The following COL14A1 variants were observed in gnomAD, a reference collection of about 807,000 sequenced individuals.
The protein encoded by COL14A1 is collagen alpha-1(XIV) chain.
A neutral mutation model predicts 230.3 loss-of-function variants in COL14A1; 136 were observed. The ratio of observed to expected loss-of-function variants is 0.59; its 90% CI spans 0.51 to 0.68. COL14A1 has a LOEUF of 0.68. Among genes scored for constraint, COL14A1 ranks in the 30% least tolerant of loss-of-function variants. The pLI is 0.00. For synonymous variants in COL14A1, 792 were observed against 784.1 expected (o/e 1.01, Z -0.17); for missense variants, 1,976 against 2,215.8 (o/e 0.89, Z 2.17).
chr8:120,159,653 C>T, intron 3 of COL14A1, among the ~76,000 whole-genome samples: 1 of 152,000 alleles, frequency 6.6e-6, no homozygotes, highest in Admixed American at 6.6e-5. Context: ...TGGTTTCTTG[C>T]TTGGTCACCA....
intron 5 of COL14A1, among the ~76,000 whole-genome samples, chr8:120,182,726 G>GGTTTTTTTTTTTTTTTTTTTTTTTTTTT (rs1554603200): frequency 7.8e-6 from 1 of 129,014 alleles, no homozygotes; most frequent in Non-Finnish European, 1.6e-5. Context: ...ATTTTTCTTC[G>GGTTTTTTTTTTTTTTTTTTTTTTTTTTT]TTTTTTTTTT....
intron 21 of COL14A1, among the ~76,000 whole-genome samples, chr8:120,248,906 T>C (rs1015620708): frequency 3.3e-4 from 48 of 145,572 alleles, no homozygotes; most frequent in African/African-American, 1.2e-3. Flanking sequence ...ACTCCATTAG[T>C]TTCAATCTTT....
At chr8:120,200,822 T>C (rs559013250) in intron 8 of COL14A1, among the ~76,000 whole-genome samples, 1 of 147,118 alleles carries the variant, frequency 6.8e-6, no homozygotes, top group South Asian at 2.2e-4. Flanking sequence ...TTCCTACTAG[T>C]ATGTAGCCAA....
At chr8:120,206,596 G>T (rs887652789) in intron 9 of COL14A1, among the ~76,000 whole-genome samples, 1 of 152,178 alleles carries the variant, frequency 6.6e-6, no homozygotes, top group Non-Finnish European at 1.5e-5. Context: ...TGATCTGCCC[G>T]CCTCGGCCTC....
intron 9 of COL14A1, among the ~76,000 whole-genome samples, chr8:120,205,589 T>A (rs1233385837): frequency 1.3e-5 from 2 of 152,138 alleles, no homozygotes. Context: ...TTGTAACCAG[T>A]GTGAAATGGT....
chr8:120,320,829 G>C lies in COL14A1; in HGVS notation c.4659+4832G>C, dbSNP rs1257389369. On this transcript the variant is annotated intron_variant, in intron 40 of 47. Coordinates refer to ENST00000297848, the MANE Select transcript of COL14A1 (RefSeq NM_021110.4). ...CTGAACAGATTATTTGATAAAAATA[G>C]CAGCAACCACTATCATTACTTATTG... Among the ~76,000 whole-genome samples the C allele has an allele frequency of 2.0e-5, 3 of 152,180 alleles. No homozygotes were observed. In the East Asian group the frequency reaches 5.8e-4, roughly 29 times the overall value.
intron 2 of COL14A1, among the ~76,000 whole-genome samples, chr8:120,156,364 T>C (rs996408788): frequency 4.6e-5 from 7 of 152,170 alleles, no homozygotes; most frequent in Non-Finnish European, 8.8e-5. Context: ...AGATGGGGTT[T>C]CACCGTGTTG....
chr8:120,164,014 A>C (rs1355198738), intron 4 of COL14A1, among the ~76,000 whole-genome samples: 1 of 152,158 alleles, frequency 6.6e-6, no homozygotes, highest in Non-Finnish European at 1.5e-5. Context: ...TGAAGGATAA[A>C]AATTTTGTAT....
intron 14 of COL14A1, among the ~76,000 whole-genome samples, chr8:120,220,359 C>T (rs1308846551): frequency 2.0e-5 from 3 of 151,064 alleles, no homozygotes; most frequent in African/African-American, 4.9e-5. Flanking sequence ...CTGCAATCTC[C>T]GCCTCCTGGG....
intron 2 of COL14A1, among the ~76,000 whole-genome samples, chr8:120,149,485 T>C (rs191442721): frequency 2.6e-5 from 4 of 152,304 alleles, no homozygotes; most frequent in African/African-American, 9.6e-5. Context: ...AGATCACTTA[T>C]CTTCTAAACT....
chr8:120,272,385 A>C (rs1294391753), intron 26 of COL14A1, among the ~76,000 whole-genome samples: 1 of 151,692 alleles, frequency 6.6e-6, no homozygotes, highest in Non-Finnish European at 1.5e-5. Flanking sequence ...CAATAACACA[A>C]TGAAGAAAAC....
intron 12 of COL14A1, among the ~76,000 whole-genome samples, chr8:120,211,069 T>C (rs1817603878): frequency 2.0e-5 from 3 of 152,172 alleles, no homozygotes; most frequent in Admixed American, 6.5e-5. Context: ...AAAGAATCGC[T>C]CCTGTAACTG....
At chr8:120,334,571 C>A (rs549878370) in intron 42 of COL14A1, among the ~76,000 whole-genome samples, 1 of 122,666 alleles carries the variant, frequency 8.2e-6, no homozygotes, top group African/African-American at 3.3e-5. Flanking sequence ...AAAATGCATG[C>A]GTTCACACAC....
At chr8:120,240,993 A>T (rs182449830) in intron 19 of COL14A1, among the ~76,000 whole-genome samples, 5 of 152,298 alleles carry the variant, frequency 3.3e-5, no homozygotes, top group African/African-American at 9.6e-5. Flanking sequence ...CATTTATTTT[A>T]AAAGGCTAGT....
chr8:120,365,247 C>T (rs1458848656), intron 45 of COL14A1, among the ~76,000 whole-genome samples: 1 of 152,168 alleles, frequency 6.6e-6, no homozygotes, highest in Non-Finnish European at 1.5e-5. Context: ...TCTGCCTGAT[C>T]CATGTCTTCT....
intron 5 of COL14A1, among the ~76,000 whole-genome samples, chr8:120,182,524 G>A (rs974174739): frequency 3.9e-5 from 6 of 152,080 alleles, no homozygotes. Context: ...GCCAGATCAT[G>A]TAGTATTATA....
chr8:120,315,369 TAAAAAAAA>T (rs56356824), intron 38 of COL14A1, among the ~76,000 whole-genome samples, 156 bp from the exon 39 acceptor site: 2 of 111,856 alleles, frequency 1.8e-5, no homozygotes, highest in Admixed American at 1.0e-4. Context: ...AGACTCCATT[TAAAAAAAA>T]AAAAAAAAAA....
intron 19 of COL14A1, among the ~76,000 whole-genome samples, chr8:120,242,953 C>T (rs1306802950): frequency 6.6e-6 from 1 of 152,158 alleles, no homozygotes; most frequent in Non-Finnish European, 1.5e-5. Context: ...GCACTTGAAT[C>T]GAAAAGTAAC....
At chr8:120,139,608 A>G (rs1478515595) in intron 1 of COL14A1, among the ~76,000 whole-genome samples, 1 of 152,178 alleles carries the variant, frequency 6.6e-6, no homozygotes, top group Non-Finnish European at 1.5e-5. Context: ...TCAAGTAGAA[A>G]ATTCATTATG....
Sources: gnomAD v4.1 joint callset for allele counts (sites outside exome capture counted in the v4.1 genomes callset) on GRCh38, gnomAD v4.1.1 for gene constraint, MANE v1.5 for transcripts, NCBI Gene and HGNC (gene_info 2026-07-23, HGNC 2026-07-21) for gene names.